Variants in DNAH6 observed in about 807,000 individuals in gnomAD.
The protein encoded by DNAH6 is dynein axonemal heavy chain 6, also known as axonemal beta dynein heavy chain 6.
A neutral mutation model predicts 491.4 loss-of-function variants in DNAH6; 340 were observed. The observed-to-expected ratio is 0.69, with a 90% CI of 0.63 to 0.76. DNAH6 has a LOEUF of 0.76. Among genes scored for constraint, DNAH6 ranks in the 30% least tolerant of loss-of-function variants. DNAH6 has a pLI of 0.00. For synonymous variants in DNAH6, 1,603 were observed against 1,686.1 expected (o/e 0.95, Z 1.21); for missense variants, 4,443 against 4,972.2 (o/e 0.89, Z 3.20).
intron 47 of DNAH6, 27 bp from the exon 48 acceptor site, chr2:84,699,567 C>G: frequency 6.5e-7 from 1 of 1,538,378 alleles, no homozygotes; most frequent in Non-Finnish European, 8.8e-7. Context: ...TTATTTTAAA[C>G]TGAAAAAATA....
intron 26 of DNAH6, among the ~76,000 whole-genome samples, 184 bp downstream of exon 26, chr2:84,621,735 T>C (rs1279717526): frequency 2.0e-5 from 3 of 152,190 alleles, no homozygotes; most frequent in Non-Finnish European, 4.4e-5. Context: ...AGACACTATC[T>C]TACTTTTTGT....
At chr2:84,481,498 C>T in the DNAH6 span, among the ~76,000 whole-genome samples, 1,683 of 152,302 alleles carry the variant, frequency 0.011, 29 homozygotes, top group African/African-American at 0.039. Context: ...ACTTCACCAT[C>T]AACAGTTCGG....
At chr2:84,532,770 G>T (rs1410157948) in intron 4 of DNAH6, among the ~76,000 whole-genome samples, 1 of 152,070 alleles carries the variant, frequency 6.6e-6, no homozygotes, top group African/African-American at 2.4e-5. Flanking sequence ...ATTTAAAGTT[G>T]CACTTCTTAT....
Position 84,547,619 on chromosome 2 carries a change from AGG to A in DNAH6, c.1186+10_1186+11del. 2 of 1,551,730 alleles carry A rather than the reference AGG, an allele frequency of 1.3e-6. No individual in the cohort carries two copies. Among genetic ancestry groups the A allele is most frequent in the Admixed American group, 2.0e-5 (1 of 50,970 alleles). On this transcript the variant is annotated splice_region_variant and intron_variant, in intron 7 of 76. Transcript: ENST00000389394. ...GCATTTGGACCTTTTGAGGGTATGA[AGG>A]GGAAAGAACCTCAATATATCAGAAG...
At chr2:84,806,374 C>A (rs1271673410) in intron 71 of DNAH6, among the ~76,000 whole-genome samples, 2 of 152,156 alleles carry the variant, frequency 1.3e-5, no homozygotes, top group African/African-American at 4.8e-5. Flanking sequence ...AATCCTAGCA[C>A]TTTGGGAGGC....
In DNAH6 at chr2:84,814,109, C is replaced by CCATGGA; in HGVS notation, c.12144_12149dup (p.Asp4048_Met4049dup). On this transcript the variant is annotated inframe_insertion, in exon 75 of 77. Coordinates refer to ENST00000389394, the MANE Select transcript of DNAH6 (RefSeq NM_001370.2). The stretch of plus-strand genomic sequence containing the variant: ...ACAGTGCAATTTGGACAAGAACTGC[C>CCATGGA]CATGGACATGGAGGTATTGTCCACC... The CCATGGA allele has an allele frequency of 6.4e-7, 1 of 1,551,558 alleles. No homozygotes were observed. The highest frequency in any genetic ancestry group is 8.7e-7 in the Non-Finnish European group (1 of 1,146,934).
the DNAH6 span, among the ~76,000 whole-genome samples, chr2:84,474,987 T>G: frequency 2.6e-5 from 4 of 152,218 alleles, no homozygotes; most frequent in Admixed American, 1.3e-4. Context: ...TCTAGTTTTA[T>G]GTAAGGTAAC....
At chr2:84,511,548 C>T (rs180822835), upstream of DNAH6, among the ~76,000 whole-genome samples, 56 of 152,314 alleles carry the variant, frequency 3.7e-4, no homozygotes, top group East Asian at 0.01. Flanking sequence ...CGCCCTGCTT[C>T]GGCTCACTCT....
At chr2:84,717,717 C>T (rs1697680231) in intron 58 of DNAH6, among the ~76,000 whole-genome samples, 1 of 152,170 alleles carries the variant, frequency 6.6e-6, no homozygotes, top group South Asian at 2.1e-4. Flanking sequence ...ATAAGTTCAC[C>T]TGTTTATACA....
At chr2:84,471,262 C>A in the DNAH6 span, among the ~76,000 whole-genome samples, 1 of 152,160 alleles carries the variant, frequency 6.6e-6, no homozygotes. Flanking sequence ...TAAAATGTGG[C>A]CTCTTTTAAC....
At chr2:84,603,997 C>T (rs78396420) in intron 18 of DNAH6, among the ~76,000 whole-genome samples, 6,173 of 152,190 alleles carry the variant, frequency 0.041, 406 homozygotes, top group African/African-American at 0.14. Flanking sequence ...TAATATTTAG[C>T]GCTCTATTTT....
chr2:84,628,794 T>TA (rs1294230671), intron 29 of DNAH6, among the ~76,000 whole-genome samples: 3 of 151,896 alleles, frequency 2.0e-5, no homozygotes, highest in Non-Finnish European at 4.4e-5. Context: ...CTCTCCCATT[T>TA]TAAAAAAAAA....
intron 52 of DNAH6, among the ~76,000 whole-genome samples, chr2:84,705,971 T>G (rs967450358): frequency 6.6e-6 from 1 of 152,164 alleles, no homozygotes; most frequent in Non-Finnish European, 1.5e-5. Context: ...CTCAGTATAT[T>G]CATCTGAAAA....
intron 62 of DNAH6, among the ~76,000 whole-genome samples, chr2:84,742,479 C>T (rs1302438738): frequency 1.3e-5 from 2 of 152,088 alleles, no homozygotes; most frequent in Non-Finnish European, 2.9e-5. Flanking sequence ...GTGCTACTGG[C>T]GTCTGGTGGG....
chr2:84,672,283 G>A, intron 39 of DNAH6, 44 bp from the exon 40 acceptor site: 5 of 1,527,302 alleles, frequency 3.3e-6, no homozygotes, highest in Non-Finnish European at 4.4e-6. Context: ...CATTTTCTAA[G>A]GGAAAATCAT....
rs1218029097 is a variant in DNAH6, at chr2:84,624,179, C to T, written c.4072-86C>T. On this transcript the variant is annotated intron_variant, in intron 26 of 76. Transcript: ENST00000389394. The stretch of plus-strand genomic sequence containing the variant: ...AAAATTAGCTGGTTTTTAGCAATGT[C>T]TCTCCAAATTGAATGGTGAAAGAGA... 14 of 1,241,130 alleles carry T rather than the reference C, an allele frequency of 1.1e-5. No homozygotes were observed. In the South Asian group the frequency reaches 2.3e-4, roughly 21 times the overall value. The allele number at this position is 1,241,130 out of a possible 1,614,324, so 76.9% of individuals were successfully genotyped here.
rs190414153 is a variant in DNAH6, at chr2:84,640,297, A to G, written c.4822-133A>G. ...GAAAGCCTTTTTCCCTTCAATCTTT[A>G]TGTTTCTTGATTAAAAGACATAACA... is the stretch of plus-strand genomic sequence containing the variant. On this transcript the variant is annotated intron_variant, in intron 31 of 76. Coordinates refer to ENST00000389394, the MANE Select transcript of DNAH6 (RefSeq NM_001370.2). 7.2e-5 allele frequency: 45 copies of G among 620,792 alleles called. No individual in the cohort carries two copies. The South Asian group carries it at 9.0e-4, about 12-fold the overall frequency. The allele number at this position is 620,792 out of a possible 1,614,324, so 38.5% of individuals were successfully genotyped here. A position where few individuals can be genotyped will look rare whatever the true frequency, so the allele number is the denominator to read the frequency against.
At chr2:84,673,855 C>A (rs565775929) in intron 40 of DNAH6, among the ~76,000 whole-genome samples, 74 of 152,348 alleles carry the variant, frequency 4.9e-4, no homozygotes, top group Admixed American at 1.1e-3. Context: ...TTTCTCAGCC[C>A]ACTGACTCAA....
rs991971435 is a variant in DNAH6 at position 84,718,268 on chromosome 2, A to G, written c.9676A>G (p.Asn3226Asp). Residue 3226 changes from asparagine to aspartate, a missense_variant, in exon 59 of 77, where the codon AAC becomes GAC. This residue lies in a region of DNAH6 where 1,463 missense variants were observed against 1,656.6 expected (regional missense o/e 0.88). Coordinates refer to ENST00000389394, the MANE Select transcript of DNAH6 (RefSeq NM_001370.2). ...EQRIKLIVRI[N>D]TDKNQLKTIE... ...AAGAATTAAGCTCATCGTGAGGATC[A>G]ACACTGATAAAAACCAGTTGAAAAC... 2 of 1,551,288 alleles carry G rather than the reference A, an allele frequency of 1.3e-6. No homozygotes were observed. Among genetic ancestry groups the G allele is most frequent in the Non-Finnish European group, 1.7e-6 (2 of 1,146,850 alleles).
Sources: allele counts gnomAD v4.1 joint callset (sites outside exome capture counted in the v4.1 genomes callset), GRCh38; gene constraint gnomAD v4.1.1; regional missense constraint gnomAD v4.1.1; transcripts MANE v1.5; gene names NCBI Gene and HGNC (gene_info 2026-07-23, HGNC 2026-07-21).